ADSL: variants seen among roughly 807,000 people sequenced by gnomAD.
ADSL encodes adenylosuccinase.
ADSL carries 44 observed loss-of-function variants against 62.1 expected under a neutral mutation model. That is an observed-to-expected ratio of 0.71 (90% CI 0.56 to 0.91). The LOEUF is 0.91. Among genes scored for constraint, ADSL ranks in the 40% least tolerant of loss-of-function variants. ADSL has a pLI of 0.00. For missense variants in ADSL, 531 were observed against 627.4 expected, an observed-to-expected ratio of 0.85 and a Z score of 1.64; for synonymous variants, 198 against 220.5, an observed-to-expected ratio of 0.90 and a Z score of 0.90.
chr22:40,355,522 G>A (rs2044520741), intron 4 of ADSL, among the ~76,000 whole-genome samples: 1 of 152,140 alleles, frequency 6.6e-6, no homozygotes, highest in South Asian at 2.1e-4. Context: ...TTCTGTTGCT[G>A]TTTTCAATAT....
At chr22:40,371,176 G>C (rs558774841), downstream of ADSL, among the ~76,000 whole-genome samples, 2 of 152,250 alleles carry the variant, frequency 1.3e-5, no homozygotes, top group Non-Finnish European at 2.9e-5. Context: ...CGGAACACCG[G>C]TGTGTTTGCA....
At chr22:40,351,078 T>G (rs1457675385) in intron 2 of ADSL, among the ~76,000 whole-genome samples, 1 of 152,172 alleles carries the variant, frequency 6.6e-6, no homozygotes, top group Non-Finnish European at 1.5e-5. Context: ...CACTGCAGCC[T>G]TGACCTTCTG....
At chr22:40,359,939 C>T (rs1042645820) in intron 6 of ADSL, among the ~76,000 whole-genome samples, 1 of 152,166 alleles carries the variant, frequency 6.6e-6, no homozygotes, top group Admixed American at 6.5e-5. Flanking sequence ...TTACTTAGGG[C>T]CCCCAACAGG....
In ADSL at chr22:40,364,258, C is replaced by A; in HGVS notation, c.1102-18C>A. The stretch of plus-strand genomic sequence containing the variant: ...TTGAGGCACCTTTCTTGGTCATTCA[C>A]CGTATCTTTTCCTATAGGTAATTGA... On this transcript the variant is annotated intron_variant, in intron 10 of 12. Transcript: ENST00000623063. 6.2e-7 allele frequency: 1 copy of A among 1,611,482 alleles called. No homozygotes were observed. The highest frequency in any genetic ancestry group is 8.5e-7 in the Non-Finnish European group (1 of 1,178,348).
Position 40,359,263 on chromosome 22 carries a change from G to C in ADSL, c.658G>C (p.Glu220Gln). The C allele has an allele frequency of 6.2e-7, 1 of 1,614,124 alleles. No individual in the cohort carries two copies. Among genetic ancestry groups the C allele is most frequent in the East Asian group, 2.2e-5 (1 of 44,876 alleles). ...QLFEGDDHKVEQLDKMVTEKA... is the reference protein window; with the variant it reads ...QLFEGDDHKVQQLDKMVTEKA... Reference sequence around the variant, plus strand: ...GGATGTGTCTTTTCTTTCCAAGGTAGAGCAGCTTGACAAGATGGTGACAGA... The same window carrying C: ...GGATGTGTCTTTTCTTTCCAAGGTACAGCAGCTTGACAAGATGGTGACAGA... Residue 220 changes from glutamate (E) to glutamine (Q), a missense_variant, in exon 6 of 13, where the codon GAG becomes CAG. Glu to Gln is a conservative substitution (Grantham distance 29). Around this residue, in one of 2 missense-constraint regions of ADSL, gnomAD observed 471 missense variants for 592.9 expected, o/e 0.79. Transcript: ENST00000623063.
At chr22:40,364,623 C>T in intron 11 of ADSL, 1 of 626,512 alleles carries the variant, frequency 1.6e-6, no homozygotes, top group South Asian at 1.9e-5. Flanking sequence ...AGGAAATGAG[C>T]AGGAAACGAG....
rs139548189 is a variant in ADSL, at chr22:40,369,251, G to T, written c.*2729G>T. On this transcript the variant is annotated 3_prime_UTR_variant, in exon 13 of 13. Coordinates refer to ENST00000623063, the MANE Select transcript of ADSL (RefSeq NM_000026.4). Reference sequence around the variant, plus strand: ...GTTTCTTCCTGGACTATTTGAATGGGTGGATTTGTTGGTGCATCTCTTGTC... The same window carrying T: ...GTTTCTTCCTGGACTATTTGAATGGTTGGATTTGTTGGTGCATCTCTTGTC... 5 of 152,116 alleles carry T rather than the reference G, an allele frequency of 3.3e-5. No homozygotes were observed. The highest frequency in any genetic ancestry group is 7.4e-5 in the Non-Finnish European group (5 of 67,998). The allele number at this position is 152,116 out of a possible 1,614,324, so 9.4% of individuals were successfully genotyped here.
intron 7 of ADSL, 56 bp downstream of exon 7, chr22:40,360,548 C>T: frequency 7.5e-6 from 9 of 1,202,360 alleles, no homozygotes; most frequent in Non-Finnish European, 1.1e-5. Context: ...CACAGACAGA[C>T]TGAATTAACC....
At chr22:40,383,082 C>T (rs1258776979) in intron 2 of ADSL, among the ~76,000 whole-genome samples, 1 of 152,320 alleles carries the variant, frequency 6.6e-6, no homozygotes, top group African/African-American at 2.4e-5. Flanking sequence ...TATTAAATCC[C>T]TAAGTACTGT....
chr22:40,364,969 C>A lies in ADSL; in HGVS notation c.1281C>A (p.Ile427=), dbSNP rs762422248. 1 of 1,614,040 alleles carries A rather than the reference C, an allele frequency of 6.2e-7. No individual in the cohort carries two copies. Among genetic ancestry groups the A allele is most frequent in the Admixed American group, 1.7e-5 (1 of 60,014 alleles). Residue 427 remains isoleucine (I), a synonymous_variant, in exon 12 of 13, where the codon ATC becomes ATA. Coordinates refer to ENST00000623063, the MANE Select transcript of ADSL (RefSeq NM_000026.4). ...EGGDNDLIER[I]QVDAYFSPIH... is the part of the protein sequence containing the mutation. ...GTGACAATGACCTCATAGAGCGTAT[C>A]CAGGTTGATGCCTACTTCAGTCCCA...
intron 2 of ADSL, among the ~76,000 whole-genome samples, chr22:40,379,901 G>T (rs1341983855): frequency 3.3e-5 from 5 of 152,072 alleles, no homozygotes; most frequent in Non-Finnish European, 7.4e-5. Context: ...TGTAGAGATT[G>T]GGTTTCGTCA....
At chr22:40,353,029 G>A (rs1344637676) in intron 2 of ADSL, 44 bp from the exon 3 acceptor site, 1 of 1,562,148 alleles carries the variant, frequency 6.4e-7, no homozygotes, top group East Asian at 2.2e-5. Flanking sequence ...AATATTGTTT[G>A]AGCAAAGCTG....
In ADSL at chr22:40,367,566, T is replaced by G. The variant is rs972413852; in HGVS notation, c.*1044T>G. 1.2e-5 allele frequency: 2 copies of G among 167,706 alleles called. No homozygotes were observed. The highest frequency in any genetic ancestry group is 6.5e-5 in the Admixed American group (1 of 15,284). 10.4% of individuals were successfully genotyped at this position (167,706 alleles called of 1,614,324 possible). On this transcript the variant is annotated 3_prime_UTR_variant, in exon 13 of 13. Transcript: ENST00000623063. ...TCAGATACTTGGCAACTAGGCAGTCTTCCAGCTTCTGCCACTGCGCCCGAC... is the reference window on the plus strand; with the variant it reads ...TCAGATACTTGGCAACTAGGCAGTCGTCCAGCTTCTGCCACTGCGCCCGAC...
At chr22:40,363,225 G>C (rs901791139) in intron 10 of ADSL, 154 bp downstream of exon 10, 1 of 714,176 alleles carries the variant, frequency 1.4e-6, no homozygotes, top group Non-Finnish European at 2.5e-6. Context: ...TAGGGAACTA[G>C]CTCTGTGGAA....
At chr22:40,370,776 G>T (rs936097569), downstream of ADSL, 9 of 152,434 alleles carry the variant, frequency 5.9e-5, no homozygotes, top group Non-Finnish European at 1.0e-4. Context: ...TGGTCGGACT[G>T]TCCGACCGAG....
At chr22:40,353,038 T>C in intron 2 of ADSL, 35 bp from the exon 3 acceptor site, 1 of 1,591,344 alleles carries the variant, frequency 6.3e-7, no homozygotes, top group Non-Finnish European at 8.6e-7. Flanking sequence ...TGAGCAAAGC[T>C]GCTAAATATA....
chr22:40,384,116 C>T (rs1027600793), intron 2 of ADSL, among the ~76,000 whole-genome samples: 1 of 152,032 alleles, frequency 6.6e-6, no homozygotes. Flanking sequence ...TGATGGCATG[C>T]GCCCGTAGTC....
At chr22:40,382,238 G>A (rs965296381) in intron 2 of ADSL, among the ~76,000 whole-genome samples, 2 of 152,198 alleles carry the variant, frequency 1.3e-5, no homozygotes, top group African/African-American at 2.4e-5. Flanking sequence ...CATAGCACCA[G>A]TTCTTCCATT....
chr22:40,361,333 C>G lies in ADSL; in HGVS notation c.853C>G (p.Gln285Glu), dbSNP rs796052246. 1.9e-6 allele frequency: 3 copies of G among 1,614,098 alleles called. No homozygotes were observed. Among genetic ancestry groups the G allele is most frequent in the South Asian group, 2.2e-5 (2 of 91,086 alleles). The change falls in exon 8 of 13, where the codon CAG becomes GAG. Residue 285 changes from glutamine (Q) to glutamate (E), a missense_variant. Transcript: ENST00000623063. ...GGAGATGGAGGAACCCTTTGAAAAACAGCAGATTGGTGAGTGCTGTGTAGA... is the reference window on the plus strand; with the variant it reads ...GGAGATGGAGGAACCCTTTGAAAAAGAGCAGATTGGTGAGTGCTGTGTAGA... ...LKEMEEPFEK[Q>E]QIGSSAMPYK... is the part of the protein sequence containing the mutation.
Sources: allele counts gnomAD v4.1 joint callset (sites outside exome capture counted in the v4.1 genomes callset), GRCh38; gene constraint gnomAD v4.1.1; regional missense constraint gnomAD v4.1.1; transcripts MANE v1.5; gene names NCBI Gene and HGNC (gene_info 2026-07-23, HGNC 2026-07-21).